The following EPHA7 variants were observed in gnomAD, a reference collection of about 807,000 sequenced individuals.
EPHA7 encodes ephrin type-A receptor 7.
Under a neutral mutation model 112.6 loss-of-function variants are expected in EPHA7, and 25 were observed. That is an observed-to-expected ratio of 0.22 (90% confidence interval 0.16 to 0.31). The LOEUF is 0.31. Ranked by LOEUF, EPHA7 falls within the 10% of genes least tolerant of loss-of-function variation. The pLI is 1.00. For missense variants in EPHA7, 962 were observed against 1,212.6 expected, an observed-to-expected ratio of 0.79 and a Z score of 3.07; for synonymous variants, 437 against 406.5, an observed-to-expected ratio of 1.07 and a Z score of -0.90.
chr6:93,243,419 A>G lies in EPHA7; in HGVS notation c.*7T>C, dbSNP rs753328661. 3 of 1,599,820 alleles carry G rather than the reference A, an allele frequency of 1.9e-6. No individual in the cohort carries two copies. Among genetic ancestry groups the G allele is most frequent in the Admixed American group, 1.7e-5 (1 of 59,980 alleles). On this transcript the variant is annotated 3_prime_UTR_variant, in exon 17 of 17. Coordinates refer to ENST00000369303, the MANE Select transcript of EPHA7 (RefSeq NM_004440.4). ...CTGTAATCTCCCTTAAAAGGGAGAA[A>G]TGCATATCACACTTGAATGCCAGTT...
At chr6:93,291,649 TC>T (rs1468684780) in intron 5 of EPHA7, among the ~76,000 whole-genome samples, 49 of 147,186 alleles carry the variant, frequency 3.3e-4, no homozygotes, top group African/African-American at 1.2e-3. Context: ...GCGCCTGTAG[TC>T]CCAGCTACTT....
intron 5 of EPHA7, among the ~76,000 whole-genome samples, chr6:93,354,556 G>T (rs1775847554): frequency 6.9e-6 from 1 of 145,720 alleles, no homozygotes. Context: ...AGTATTTTTA[G>T]TATATTTACA....
At chr6:93,246,486 G>T (rs554651162) in intron 15 of EPHA7, among the ~76,000 whole-genome samples, 8 of 152,072 alleles carry the variant, frequency 5.3e-5, no homozygotes, top group Admixed American at 5.2e-4. Flanking sequence ...TAATAATATT[G>T]GTCTGAAAAT....
chr6:93,289,397 A>G (rs1162463233), intron 5 of EPHA7, among the ~76,000 whole-genome samples: 1 of 152,096 alleles, frequency 6.6e-6, no homozygotes, highest in Non-Finnish European at 1.5e-5. Flanking sequence ...TAGTTTATAA[A>G]CAGATAGCTT....
rs536768595 is a variant in EPHA7 at position 93,241,183 on chromosome 6, G to T, written c.*2243C>A. 4.7e-6 allele frequency: 1 copy of T among 212,804 alleles called. No homozygotes were observed. The highest frequency in any genetic ancestry group is 9.5e-6 in the Non-Finnish European group (1 of 105,100). 13.2% of individuals were successfully genotyped at this position (212,804 alleles called of 1,614,324 possible). ...TACCATACTATGTCTTCTATTTCTA[G>T]AATGGCTTTTGTTAATTTAATTTTA... On this transcript the variant is annotated 3_prime_UTR_variant, in exon 17 of 17. Transcript: ENST00000369303.
At chr6:93,393,174 G>A (rs1011813082) in intron 3 of EPHA7, among the ~76,000 whole-genome samples, 7 of 151,694 alleles carry the variant, frequency 4.6e-5, no homozygotes, top group South Asian at 2.1e-4. Flanking sequence ...AATTCATGTC[G>A]AAGTGATGTG....
chr6:93,243,436 A>G lies in EPHA7; in HGVS notation c.2987T>C (p.Ile996Thr). ...AGGGAGAAATGCATATCACACTTGA[A>G]TGCCAGTTCCATGTAAATGTAGCAT... ...AQMLHLHGTG[I>T]QV is the part of the protein sequence containing the mutation. The change falls in exon 17 of 17, where the codon ATT becomes ACT. Residue 996 changes from isoleucine (I) to threonine (T), a missense_variant. Around this residue, in one of 3 missense-constraint regions of EPHA7, gnomAD observed 746 missense variants for 889.2 expected, o/e 0.84. Transcript: ENST00000369303. 1 of 1,612,740 alleles carries G rather than the reference A, an allele frequency of 6.2e-7. No homozygotes were observed. The highest frequency in any genetic ancestry group is 8.5e-7 in the Non-Finnish European group (1 of 1,178,948).
chr6:93,408,831 T>A (rs1314695616), intron 3 of EPHA7, among the ~76,000 whole-genome samples: 3 of 152,158 alleles, frequency 2.0e-5, no homozygotes. Context: ...AATGCAATTT[T>A]AAAATTTCTA....
chr6:93,342,156 G>A (rs1365549620), intron 5 of EPHA7, among the ~76,000 whole-genome samples: 1 of 151,802 alleles, frequency 6.6e-6, no homozygotes, highest in African/African-American at 2.4e-5. Flanking sequence ...ATTGCTGATG[G>A]ATCAGGTGAC....
intron 9 of EPHA7, 125 bp from the exon 10 acceptor site, chr6:93,259,604 C>T: frequency 8.6e-7 from 1 of 1,163,022 alleles, no homozygotes. Flanking sequence ...ACCTGATTCA[C>T]AGCAGTTTTA....
intron 5 of EPHA7, among the ~76,000 whole-genome samples, chr6:93,345,794 G>A (rs767358124): frequency 1.3e-5 from 2 of 151,398 alleles, no homozygotes; most frequent in Non-Finnish European, 3.0e-5. Context: ...TGATTCTTGT[G>A]GATCAATGCC....
intron 5 of EPHA7, among the ~76,000 whole-genome samples, chr6:93,307,774 T>C (rs1173627790): frequency 6.6e-6 from 1 of 152,198 alleles, no homozygotes; most frequent in Non-Finnish European, 1.5e-5. Context: ...TGGATAAACA[T>C]GTACTGTCCT....
At position 93,269,627 on chromosome 6, in the gene EPHA7, T is replaced by C; in HGVS notation, c.1483A>G (p.Thr495Ala). Residue 495 changes from threonine (T) to alanine (A), a missense_variant, in exon 7 of 17, where the codon ACC becomes GCC. Transcript: ENST00000369303. ...TTAATGGAGGCTGAAGTAGACTTGG[T>C]TTTTACTGTTGAGTAGGTCCGTTCC... ...QRERTYSTVK[T>A]KSTSASINNL... 2 of 1,593,264 alleles carry C rather than the reference T, an allele frequency of 1.3e-6. No individual in the cohort carries two copies. Among genetic ancestry groups the C allele is most frequent in the Non-Finnish European group, 8.5e-7 (1 of 1,171,006 alleles).
chr6:93,297,640 G>T (rs1772740946), intron 5 of EPHA7, among the ~76,000 whole-genome samples: 1 of 152,090 alleles, frequency 6.6e-6, no homozygotes, highest in Non-Finnish European at 1.5e-5. Flanking sequence ...CTTTGTAAGT[G>T]CCAGTTGCCA....
At chr6:93,373,803 T>A (rs1582620038) in intron 3 of EPHA7, among the ~76,000 whole-genome samples, 1 of 151,942 alleles carries the variant, frequency 6.6e-6, no homozygotes, top group East Asian at 1.9e-4. Flanking sequence ...AACATAAGTG[T>A]GCCATTTACT....
At chr6:93,323,577 T>A (rs1197158045) in intron 5 of EPHA7, among the ~76,000 whole-genome samples, 2 of 151,528 alleles carry the variant, frequency 1.3e-5, no homozygotes, top group African/African-American at 2.4e-5. Context: ...AATCAAGATT[T>A]TGGAAAGGCA....
chr6:93,391,867 A>G (rs1233197589), intron 3 of EPHA7, among the ~76,000 whole-genome samples: 1 of 151,642 alleles, frequency 6.6e-6, no homozygotes, highest in Non-Finnish European at 1.5e-5. Context: ...TAAACTCTTC[A>G]CGGTTTATGA....
intron 3 of EPHA7, among the ~76,000 whole-genome samples, chr6:93,385,579 C>T (rs1184989684): frequency 2.0e-5 from 3 of 151,988 alleles, no homozygotes; most frequent in Non-Finnish European, 4.4e-5. Flanking sequence ...AAAGTACTTG[C>T]ACCCCACTTA....
intron 2 of EPHA7, among the ~76,000 whole-genome samples, chr6:93,411,825 T>C (rs1023676779): frequency 2.0e-5 from 3 of 152,104 alleles, no homozygotes; most frequent in African/African-American, 7.2e-5. Flanking sequence ...TTCATTTTTA[T>C]AAATAAATTG....
Sources: allele counts gnomAD v4.1 joint callset (sites outside exome capture counted in the v4.1 genomes callset), GRCh38; gene constraint gnomAD v4.1.1; regional missense constraint gnomAD v4.1.1; transcripts MANE v1.5; gene names NCBI Gene and HGNC (gene_info 2026-07-23, HGNC 2026-07-21).